CASP10: variants seen among roughly 807,000 people sequenced by gnomAD.
The protein encoded by CASP10 is caspase-10.
In CASP10, 41 loss-of-function variants were observed where a neutral mutation model predicts 48.5. That is an observed-to-expected ratio of 0.85 (90% confidence interval 0.66 to 1.10). The LOEUF is 1.10. Among genes scored for constraint, CASP10 ranks in the 50% least tolerant of loss-of-function variants. CASP10 has a pLI of 0.00. For synonymous variants in CASP10, 232 were observed against 238.4 expected (o/e 0.97, Z 0.25); for missense variants, 614 against 614.5 (o/e 1.00, Z 0.01).
chr2:201,227,157 A>G (rs1002804926), intron 9 of CASP10, among the ~76,000 whole-genome samples: 5 of 152,150 alleles, frequency 3.3e-5, no homozygotes, highest in African/African-American at 9.7e-5. Context: ...TATATCTTCA[A>G]CTGAGTGCTA....
rs769066879 is a variant in CASP10, at chr2:201,185,847, C to T, written c.70C>T (p.Leu24Phe). The T allele has an allele frequency of 3.2e-5, 51 of 1,613,960 alleles. No individual in the cohort carries two copies. The highest frequency in any genetic ancestry group is 1.3e-5 in the African/African-American group (1 of 74,890). Residue 24 changes from leucine (L) to phenylalanine (F), a missense_variant, in exon 2 of 10, where the codon CTT becomes TTT. Coordinates refer to ENST00000286186, the MANE Select transcript of CASP10 (RefSeq NM_032977.4). Reference sequence around the variant, plus strand: ...CTGTAAAGTGAGCTTTCGTGAGAAGCTTCTGATTATTGATTCAAACCTGGG... The same window carrying T: ...CTGTAAAGTGAGCTTTCGTGAGAAGTTTCTGATTATTGATTCAAACCTGGG... ...KNCKVSFREK[L>F]LIIDSNLGVQ...
At chr2:201,199,263 A>G (rs186444248) in intron 5 of CASP10, among the ~76,000 whole-genome samples, 3 of 152,324 alleles carry the variant, frequency 2.0e-5, no homozygotes, top group Admixed American at 6.5e-5. Flanking sequence ...TATCAAATCA[A>G]TGGTCCATAT....
chr2:201,187,863 T>C lies in CASP10; in HGVS notation c.441+64T>C, dbSNP rs543411450. 1.9e-4 allele frequency: 237 copies of C among 1,218,780 alleles called. 3 individuals are homozygous for C. The South Asian group carries it at 2.7e-3, about 14-fold the overall frequency. The allele number at this position is 1,218,780 out of a possible 1,614,324, so 75.5% of individuals were successfully genotyped here. A position where few individuals can be genotyped will look rare whatever the true frequency, so the allele number is the denominator to read the frequency against. On this transcript the variant is annotated intron_variant, in intron 3 of 9. Transcript: ENST00000286186. Reference sequence around the variant, plus strand: ...TCTTAATCAATGATTAGAAAGATGCTGGAAAGGGTTTTTAGGGAGATTTAT... The same window carrying C: ...TCTTAATCAATGATTAGAAAGATGCCGGAAAGGGTTTTTAGGGAGATTTAT...
intron 3 of CASP10, among the ~76,000 whole-genome samples, chr2:201,190,963 G>GTGATCCTCCTGCCT (rs1360113325): frequency 1.3e-5 from 2 of 151,994 alleles, no homozygotes; most frequent in African/African-American, 4.8e-5. Flanking sequence ...CTGGGTTCAA[G>GTGATCCTCCTGCCT]TGATCCTCCT....
chr2:201,208,823 C>T (rs1164967776), intron 8 of CASP10, among the ~76,000 whole-genome samples: 3 of 152,060 alleles, frequency 2.0e-5, no homozygotes, highest in Admixed American at 6.5e-5. Context: ...GGATTACAGG[C>T]GTGAGCCACC....
At chr2:201,201,714 A>G (rs188443959) in intron 5 of CASP10, among the ~76,000 whole-genome samples, 56 of 152,280 alleles carry the variant, frequency 3.7e-4, no homozygotes, top group African/African-American at 1.3e-3. Flanking sequence ...GTGTCTTAAA[A>G]GTTATCTGGG....
chr2:201,195,666 T>A (rs143278269), intron 4 of CASP10, among the ~76,000 whole-genome samples, 176 bp from the exon 5 acceptor site: 1 of 152,038 alleles, frequency 6.6e-6, no homozygotes, highest in Admixed American at 6.6e-5. Context: ...AGCCTTGGTG[T>A]TTGCTTCAGT....
At chr2:201,214,535 A>G (rs1466813675) in intron 9 of CASP10, 1 of 152,172 alleles carries the variant, frequency 6.6e-6, no homozygotes, top group African/African-American at 2.4e-5. Flanking sequence ...TGAATTAGTT[A>G]AAGAATAATA....
rs41506545 is a variant in CASP10, at chr2:201,218,474, A to AT, written c.*741dup. The stretch of plus-strand genomic sequence containing the variant: ...TGTGTCCATGCACAGCTAACTTTTT[A>AT]TTTTTTTTGTGGAGATGGGGTTTCA... On this transcript the variant is annotated 3_prime_UTR_variant, in exon 10 of 10. Transcript: ENST00000286186. The AT allele has an allele frequency of 1.9e-4, 132 of 694,190 alleles. No individual in the cohort carries two copies. Among genetic ancestry groups the AT allele is most frequent in the South Asian group, 2.6e-4 (4 of 15,386 alleles). 43.0% of individuals were successfully genotyped at this position (694,190 alleles called of 1,614,324 possible). A position where few individuals can be genotyped will look rare whatever the true frequency, so the allele number is the denominator to read the frequency against.
chr2:201,223,302 T>C (rs954755100), downstream of CASP10, among the ~76,000 whole-genome samples: 1 of 152,162 alleles, frequency 6.6e-6, no homozygotes, highest in African/African-American at 2.4e-5. Flanking sequence ...AGACTCCTCC[T>C]CCACCGTCCC....
rs1422757000 is a variant in CASP10, at chr2:201,221,253, C to G, written c.*3512C>G. 1.0e-6 allele frequency: 1 copy of G among 985,468 alleles called. No individual in the cohort carries two copies. Among genetic ancestry groups the G allele is most frequent in the East Asian group, 1.1e-4 (1 of 8,824 alleles). The allele number at this position is 985,468 out of a possible 1,614,324, so 61.0% of individuals were successfully genotyped here. A position where few individuals can be genotyped will look rare whatever the true frequency, so the allele number is the denominator to read the frequency against. ...CGTGATGTCTACCGCAGCAGAAGGC[C>G]AGCTCTTGACTCTGAGTTCAGTTGG... is the stretch of plus-strand genomic sequence containing the variant. On this transcript the variant is annotated 3_prime_UTR_variant, in exon 10 of 10. Coordinates refer to ENST00000286186, the MANE Select transcript of CASP10 (RefSeq NM_032977.4).
At chr2:201,187,658 CCTCCACAAGTGTA>C in intron 2 of CASP10, 35 bp from the exon 3 acceptor site, 1 of 1,300,514 alleles carries the variant, frequency 7.7e-7, no homozygotes. Flanking sequence ...ATTATGGTGT[CCTCCACAAGTGTA>C]AGGCTTTATT....
At chr2:201,191,849 A>G (rs1944623302) in intron 3 of CASP10, among the ~76,000 whole-genome samples, 1 of 152,222 alleles carries the variant, frequency 6.6e-6, no homozygotes, top group Non-Finnish European at 1.5e-5. Context: ...AGCATACAAC[A>G]TTGAGTCTAA....
chr2:201,228,851 C>G (rs542610450), intron 9 of CASP10: 2 of 1,264,868 alleles, frequency 1.6e-6, no homozygotes. Flanking sequence ...AAAGCTATGC[C>G]GGGGTCCAGC....
At position 201,187,780 on chromosome 2, in the gene CASP10, C is replaced by T. The variant is rs780552445; in HGVS notation, c.422C>T (p.Ser141Leu). The T allele has an allele frequency of 1.1e-4, 181 of 1,613,628 alleles. No individual in the cohort carries two copies. The highest frequency in any genetic ancestry group is 1.4e-4 in the Non-Finnish European group (170 of 1,179,684). Residue 141 changes from serine (S) to leucine (L), a missense_variant, in exon 3 of 10, where the codon TCG (serine) becomes TTG (leucine). By Grantham distance (145) the Ser-to-Leu change is moderately radical. Coordinates refer to ENST00000286186, the MANE Select transcript of CASP10 (RefSeq NM_032977.4). The part of the protein sequence containing the change: ...LKDMIFLLKD[S>L]LPKTEMTSLS... ...GACATGATCTTCCTTCTGAAAGACT[C>T]GCTTCCCAAAACTGAAATGGTGAGT...
At chr2:201,223,147 G>A (rs1356513634), downstream of CASP10, among the ~76,000 whole-genome samples, 1 of 152,234 alleles carries the variant, frequency 6.6e-6, no homozygotes, top group Non-Finnish European at 1.5e-5. Flanking sequence ...GACAGCTCAT[G>A]TTCTGGGGCC....
At chr2:201,193,782 A>G (rs1944694650) in intron 4 of CASP10, among the ~76,000 whole-genome samples, 1 of 152,206 alleles carries the variant, frequency 6.6e-6, no homozygotes, top group Non-Finnish European at 1.5e-5. Flanking sequence ...CATGAAAAAG[A>G]AGGCAGGATA....
intron 6 of CASP10, among the ~76,000 whole-genome samples, 172 bp downstream of exon 6, chr2:201,203,938 G>A (rs1193170334): frequency 2.0e-5 from 3 of 152,114 alleles, no homozygotes; most frequent in Admixed American, 6.5e-5. Flanking sequence ...ATTGTACTAG[G>A]CTTTTCTATG....
At chr2:201,185,337 G>A (rs1266836139) in intron 1 of CASP10, among the ~76,000 whole-genome samples, 1 of 152,088 alleles carries the variant, frequency 6.6e-6, no homozygotes, top group Non-Finnish European at 1.5e-5. Flanking sequence ...TAGATCATAA[G>A]GATAACCCTG....
Sources: allele counts gnomAD v4.1 joint callset (sites outside exome capture counted in the v4.1 genomes callset), GRCh38; gene constraint gnomAD v4.1.1; transcripts MANE v1.5; gene names NCBI Gene and HGNC (gene_info 2026-07-23, HGNC 2026-07-21).